The following LEKR1 variants were observed in gnomAD, a reference collection of about 807,000 sequenced individuals.
LEKR1 encodes protein LEKR1.
Under a neutral mutation model 72.4 loss-of-function variants are expected in LEKR1, and 59 were observed. The observed-to-expected ratio is 0.82, with a 90% CI of 0.66 to 1.01. The LOEUF is 1.01. Ranked by LOEUF, LEKR1 falls within the 50% of genes least tolerant of loss-of-function variation. LEKR1 has a pLI of 0.00. For missense variants in LEKR1, 728 were observed against 759.2 expected, an observed-to-expected ratio of 0.96 and a Z score of 0.48; for synonymous variants, 257 against 263.2, an observed-to-expected ratio of 0.98 and a Z score of 0.23.
At chr3:156,923,974 A>G (rs1380954294) in intron 4 of LEKR1, among the ~76,000 whole-genome samples, 3 of 152,082 alleles carry the variant, frequency 2.0e-5, no homozygotes, top group Non-Finnish European at 2.9e-5. Context: ...TGATCTGCCT[A>G]CCTCAGCCTC....
chr3:156,852,834 G>A lies in LEKR1; in HGVS notation c.115G>A (p.Ala39Thr), dbSNP rs1426105134. The A allele has an allele frequency of 1.2e-5, 18 of 1,535,454 alleles. No homozygotes were observed. The highest frequency in any genetic ancestry group is 1.6e-5 in the Non-Finnish European group (18 of 1,145,724). Residue 39 changes from alanine to threonine, a missense_variant, in exon 3 of 13, where the codon GCT (alanine) becomes ACT (threonine). By Grantham distance (58) the Ala-to-Thr change is moderately conservative (BLOSUM62 0). Transcript: ENST00000356539. The stretch of plus-strand genomic sequence containing the variant: ...CTATCTAATTCTTCATGAATTTAAG[G>A]CTATGGAAGAAAAAGTGAAAGCAAT... ...VSYLILHEFKAMEEKVKAMEK... is the reference protein window; with the variant it reads ...VSYLILHEFKTMEEKVKAMEK...
intron 12 of LEKR1, among the ~76,000 whole-genome samples, chr3:157,030,142 A>T (rs1256155198): frequency 6.6e-6 from 1 of 152,170 alleles, no homozygotes; most frequent in African/African-American, 2.4e-5. Flanking sequence ...ACATGGTGAG[A>T]GAGAGGTGGG....
intron 3 of LEKR1, among the ~76,000 whole-genome samples, chr3:156,881,183 T>G (rs541059142): frequency 1.3e-5 from 2 of 152,126 alleles, no homozygotes; most frequent in Non-Finnish European, 2.9e-5. Context: ...TAAAGGATAT[T>G]CAATTAGGAA....
chr3:157,045,383 G>A lies in LEKR1; in HGVS notation c.1712G>A (p.Arg571His), dbSNP rs1577038336. Reference protein sequence around the residue: ...QETVRRECEERFELTEALSQA... With the variant: ...QETVRRECEEHFELTEALSQA... ...ACAGTGCGTAGAGAATGTGAAGAAC[G>A]CTTTGAACTGACAGAGGCTTTGAGT... is the stretch of plus-strand genomic sequence containing the variant. The change falls in exon 13 of 13, where the codon CGC becomes CAC. Residue 571 changes from arginine to histidine, a missense_variant. Transcript: ENST00000356539. 3 of 1,614,068 alleles carry A rather than the reference G, an allele frequency of 1.9e-6. No individual in the cohort carries two copies. The highest frequency in any genetic ancestry group is 1.3e-5 in the African/African-American group (1 of 75,044).
chr3:156,948,017 A>C (rs576569661), intron 6 of LEKR1, among the ~76,000 whole-genome samples: 13 of 151,384 alleles, frequency 8.6e-5, no homozygotes, highest in South Asian at 2.1e-4. Context: ...CATAAACTTT[A>C]AGATGATTTC....
intron 9 of LEKR1, among the ~76,000 whole-genome samples, chr3:156,999,948 T>C (rs1273524937): frequency 1.3e-5 from 2 of 152,224 alleles, no homozygotes; most frequent in South Asian, 2.1e-4. Flanking sequence ...TTATAACTCA[T>C]GTTCTCTTCT....
At chr3:156,887,581 T>G (rs1252889896) in intron 3 of LEKR1, among the ~76,000 whole-genome samples, 2 of 152,154 alleles carry the variant, frequency 1.3e-5, no homozygotes, top group East Asian at 3.8e-4. Context: ...AATGATTAAT[T>G]TATACATTCT....
chr3:156,887,649 A>G (rs1720243777), intron 3 of LEKR1, among the ~76,000 whole-genome samples: 1 of 152,118 alleles, frequency 6.6e-6, no homozygotes, highest in South Asian at 2.1e-4. Flanking sequence ...GCAATCAAAC[A>G]AGAATTCATA....
At chr3:156,990,635 C>A (rs1405087039) in intron 7 of LEKR1, among the ~76,000 whole-genome samples, 1 of 152,184 alleles carries the variant, frequency 6.6e-6, no homozygotes, top group East Asian at 1.9e-4. Context: ...ACAGACTCAT[C>A]AATTCCTTTC....
chr3:156,870,662 T>C (rs1414779454), intron 3 of LEKR1, among the ~76,000 whole-genome samples: 1 of 152,142 alleles, frequency 6.6e-6, no homozygotes, highest in Non-Finnish European at 1.5e-5. Context: ...TTTGAATGCC[T>C]TTTATTCCTT....
intron 3 of LEKR1, among the ~76,000 whole-genome samples, chr3:156,859,996 G>A (rs891849693): frequency 2.0e-5 from 3 of 152,164 alleles, no homozygotes; most frequent in African/African-American, 7.2e-5. Flanking sequence ...ATATATGAGA[G>A]TCAATAAGAA....
chr3:156,913,011 T>C (rs1723265923), intron 3 of LEKR1, among the ~76,000 whole-genome samples: 1 of 152,188 alleles, frequency 6.6e-6, no homozygotes, highest in African/African-American at 2.4e-5. Flanking sequence ...TCCTTCCATT[T>C]TCCTATTAAG....
intron 4 of LEKR1, among the ~76,000 whole-genome samples, chr3:156,923,198 CAATTT>C (rs1231170200): frequency 6.6e-6 from 1 of 152,078 alleles, no homozygotes; most frequent in Non-Finnish European, 1.5e-5. Flanking sequence ...CTTAAGGAGA[CAATTT>C]AATTATTTTT....
At chr3:156,931,233 T>G (rs1406066933) in intron 5 of LEKR1, among the ~76,000 whole-genome samples, 1 of 151,966 alleles carries the variant, frequency 6.6e-6, no homozygotes, top group Non-Finnish European at 1.5e-5. Flanking sequence ...GACCAAAAGA[T>G]CTGAACAGAC....
chr3:156,890,497 AC>A (rs982312449), intron 3 of LEKR1, among the ~76,000 whole-genome samples: 3 of 152,088 alleles, frequency 2.0e-5, no homozygotes, highest in Non-Finnish European at 4.4e-5. Flanking sequence ...GCTTTAATAA[AC>A]CCCCAAACCT....
chr3:157,035,700 A>C (rs1734919362), intron 12 of LEKR1, among the ~76,000 whole-genome samples: 1 of 152,130 alleles, frequency 6.6e-6, no homozygotes, highest in Non-Finnish European at 1.5e-5. Context: ...GGGGTTTGGG[A>C]CCAGCCTGGC....
At chr3:156,842,606 A>G (rs1714075428) in intron 2 of LEKR1, among the ~76,000 whole-genome samples, 3 of 152,216 alleles carry the variant, frequency 2.0e-5, no homozygotes, top group Non-Finnish European at 4.4e-5. Context: ...TGCCAAAATG[A>G]GCAGTAGTAG....
At chr3:157,015,290 A>T (rs1165251247) in intron 10 of LEKR1, among the ~76,000 whole-genome samples, 1 of 152,208 alleles carries the variant, frequency 6.6e-6, no homozygotes, top group Non-Finnish European at 1.5e-5. Context: ...ATCTACAAAA[A>T]GTCCGCCTTG....
At chr3:156,928,220 C>T (rs1479651067) in intron 5 of LEKR1, among the ~76,000 whole-genome samples, 4 of 151,958 alleles carry the variant, frequency 2.6e-5, no homozygotes, top group Admixed American at 1.3e-4. Flanking sequence ...ATAGTGGAGA[C>T]ATGTCATTAT....
Sources: allele counts gnomAD v4.1 joint callset (sites outside exome capture counted in the v4.1 genomes callset), GRCh38; gene constraint gnomAD v4.1.1; transcripts MANE v1.5; gene names NCBI Gene and HGNC (gene_info 2026-07-23, HGNC 2026-07-21).